TAFA2: variants seen among roughly 807,000 people sequenced by gnomAD.
The protein encoded by TAFA2 is TAFA chemokine like family member 2.
In TAFA2, 7 loss-of-function variants were observed where a neutral mutation model predicts 18.8. The observed-to-expected ratio is 0.37, with a 90% CI of 0.21 to 0.70. The LOEUF (loss-of-function observed/expected upper bound fraction) is 0.70. TAFA2 is among the 30% of genes least tolerant of loss of function. TAFA2 has a pLI of 0.53. For synonymous variants in TAFA2, 60 were observed against 54.2 expected (o/e 1.11, Z -0.47); for missense variants, 122 against 158.1 (o/e 0.77, Z 1.23).
chr12:61,836,745 ATATAT>A (rs1366994267), intron 2 of TAFA2, among the ~76,000 whole-genome samples: 13 of 143,322 alleles, frequency 9.1e-5, no homozygotes, highest in African/African-American at 3.3e-4. Flanking sequence ...ATATATATAT[ATATAT>A]ATATATACAC....
intron 1 of TAFA2, among the ~76,000 whole-genome samples, chr12:61,954,215 A>T (rs1878569936): frequency 5.3e-5 from 8 of 152,200 alleles, no homozygotes; most frequent in Admixed American, 5.2e-4. Flanking sequence ...ACAAGTAAGA[A>T]CATGTAGTAT....
intron 1 of TAFA2, among the ~76,000 whole-genome samples, chr12:62,222,746 T>G (rs1014406259): frequency 1.3e-5 from 2 of 151,426 alleles, no homozygotes; most frequent in Non-Finnish European, 2.9e-5. Flanking sequence ...GATCTCCTGA[T>G]CTCGTGATCC....
chr12:61,805,689 C>T (rs1871582908), intron 2 of TAFA2, among the ~76,000 whole-genome samples: 1 of 152,028 alleles, frequency 6.6e-6, no homozygotes, highest in African/African-American at 2.4e-5. Flanking sequence ...CCTGCAGAAA[C>T]AGGACCTATA....
At chr12:61,881,655 T>C (rs982435675) in intron 1 of TAFA2, among the ~76,000 whole-genome samples, 3 of 152,106 alleles carry the variant, frequency 2.0e-5, no homozygotes, top group African/African-American at 7.2e-5. Flanking sequence ...CAGGAAACTT[T>C]CTGCTTCAGC....
At chr12:61,720,661 T>G (rs893864728) in intron 4 of TAFA2, 2 of 302,196 alleles carry the variant, frequency 6.6e-6, no homozygotes, top group Admixed American at 4.4e-5. Context: ...AGGTCACAGT[T>G]AATCCTGTTA....
At chr12:61,778,911 C>T (rs1870387889) in intron 2 of TAFA2, among the ~76,000 whole-genome samples, 1 of 151,826 alleles carries the variant, frequency 6.6e-6, no homozygotes, top group African/African-American at 2.4e-5. Context: ...ACCAGTTATC[C>T]TTGCTTATAG....
At position 61,907,429 on chromosome 12, in the gene TAFA2, T is replaced by C. The variant is rs568152488; in HGVS notation, c.-1-40003A>G. 1.6e-3 allele frequency among the ~76,000 whole-genome samples: 242 copies of C among 152,288 alleles called. 1 individual carries two copies. Among genetic ancestry groups the C allele is most frequent in the African/African-American group, 5.5e-3 (229 of 41,566 alleles). ...CCAAGTCTTGGCAGCTTACATGTGG[T>C]GTTGGGCCTGTTGGTGCAGAGAAGT... On this transcript the variant is annotated intron_variant, in intron 1 of 4. Coordinates refer to ENST00000416284, the MANE Select transcript of TAFA2 (RefSeq NM_178539.5).
chr12:61,815,212 AT>A (rs1408033977), intron 2 of TAFA2, among the ~76,000 whole-genome samples: 1 of 151,490 alleles, frequency 6.6e-6, no homozygotes, highest in African/African-American at 2.5e-5. Flanking sequence ...GGATCTATAA[AT>A]TTTAACTTGA....
At chr12:61,750,622 G>A (rs1385645003) in intron 4 of TAFA2, among the ~76,000 whole-genome samples, 1 of 152,098 alleles carries the variant, frequency 6.6e-6, no homozygotes, top group Non-Finnish European at 1.5e-5. Flanking sequence ...ACCCTGATTT[G>A]TAGTCAATTC....
At chr12:61,947,493 G>T (rs1878318622) in intron 1 of TAFA2, among the ~76,000 whole-genome samples, 2 of 151,550 alleles carry the variant, frequency 1.3e-5, no homozygotes, top group South Asian at 4.2e-4. Flanking sequence ...AAATAAAAAA[G>T]AATTTTGTCA....
intron 1 of TAFA2, among the ~76,000 whole-genome samples, chr12:61,973,521 T>C (rs1453543245): frequency 6.6e-6 from 1 of 151,530 alleles, no homozygotes; most frequent in Non-Finnish European, 1.5e-5. Context: ...TGTCTTCACA[T>C]TATTAGCAGA....
chr12:61,878,354 G>T (rs1874961021), intron 1 of TAFA2, among the ~76,000 whole-genome samples: 2 of 152,094 alleles, frequency 1.3e-5, no homozygotes, highest in African/African-American at 4.8e-5. Flanking sequence ...AGATAAAATG[G>T]CAAGAGTCGT....
chr12:62,062,575 C>T (rs138207447), intron 1 of TAFA2, among the ~76,000 whole-genome samples: 1 of 152,104 alleles, frequency 6.6e-6, no homozygotes, highest in Non-Finnish European at 1.5e-5. Flanking sequence ...GGTATGGAGA[C>T]GTTAACACAC....
chr12:61,934,986 TC>T (rs1408079436), intron 1 of TAFA2, among the ~76,000 whole-genome samples: 2 of 152,182 alleles, frequency 1.3e-5, no homozygotes, highest in Admixed American at 1.3e-4. Flanking sequence ...AAAAGTAGGT[TC>T]ACTTGACTGA....
chr12:61,807,406 T>C (rs1871665971), intron 2 of TAFA2, among the ~76,000 whole-genome samples: 1 of 151,344 alleles, frequency 6.6e-6, no homozygotes, highest in African/African-American at 2.5e-5. Flanking sequence ...AGTGCCTGGA[T>C]GTCCAGGCAG....
intron 1 of TAFA2, among the ~76,000 whole-genome samples, chr12:61,963,862 T>A (rs1171303890): frequency 6.6e-6 from 1 of 152,006 alleles, no homozygotes; most frequent in Non-Finnish European, 1.5e-5. Context: ...AACAGCATGG[T>A]ACTGGTACCA....
intron 4 of TAFA2, among the ~76,000 whole-genome samples, chr12:61,722,982 A>G (rs893485333): frequency 3.3e-5 from 5 of 152,142 alleles, no homozygotes; most frequent in African/African-American, 1.2e-4. Context: ...GACCCCAAAC[A>G]CCCAGATTCA....
At chr12:62,007,929 A>G (rs1880611781) in intron 1 of TAFA2, among the ~76,000 whole-genome samples, 1 of 152,178 alleles carries the variant, frequency 6.6e-6, no homozygotes, top group South Asian at 2.1e-4. Context: ...AGAACATAAG[A>G]ACCTATTCCT....
chr12:61,944,913 C>A (rs1878201008), intron 1 of TAFA2, among the ~76,000 whole-genome samples: 1 of 121,560 alleles, frequency 8.2e-6, no homozygotes. Flanking sequence ...TGAAACTATT[C>A]CAATCAATAG....
Sources: gnomAD v4.1 joint callset for allele counts (sites outside exome capture counted in the v4.1 genomes callset) on GRCh38, gnomAD v4.1.1 for gene constraint, MANE v1.5 for transcripts, NCBI Gene and HGNC (gene_info 2026-07-23, HGNC 2026-07-21) for gene names.